ZC2HC1B: variants seen among roughly 807,000 people sequenced by gnomAD.
The protein encoded by ZC2HC1B is zinc finger C2HC-type containing 1B.
In ZC2HC1B, 36 loss-of-function variants were observed where a neutral mutation model predicts 31.0. That is an observed-to-expected ratio of 1.16 (90% CI 0.89 to 1.54). The LOEUF is 1.54. ZC2HC1B is among the 40% of genes most tolerant of loss of function. The probability of loss-of-function intolerance (pLI) is 0.00; values close to 1 mark genes in which losing one functional copy is unlikely to be tolerated. For missense variants in ZC2HC1B, 260 were observed against 268.6 expected (o/e 0.97, Z 0.22); for synonymous variants, 73 against 88.0 (o/e 0.83, Z 0.95).
intron 6 of ZC2HC1B, among the ~76,000 whole-genome samples, chr6:143,904,860 C>T (rs987479582): frequency 6.6e-6 from 1 of 152,204 alleles, no homozygotes; most frequent in Non-Finnish European, 1.5e-5. Context: ...AATGGTCTTG[C>T]ACCCTTGTCA....
rs796775655 is a variant in ZC2HC1B, at chr6:143,868,346, C to G, written c.28+3779C>G. ...AATAGGCCGTCTGCAAGCTGAGGAG[C>G]AAGGACAACCAGTACAGTGCCAAAA... is the stretch of plus-strand genomic sequence containing the variant. On this transcript the variant is annotated intron_variant, in intron 1 of 7. Transcript: ENST00000237275. The surrounding 1 kb of genome is among the most constrained non-coding windows in gnomAD (Gnocchi z 4.2). Among the ~76,000 whole-genome samples the G allele has an allele frequency of 6.6e-6, 1 of 152,210 alleles. No individual in the cohort carries two copies.
chr6:143,879,641 A>T (rs565993453), intron 1 of ZC2HC1B, among the ~76,000 whole-genome samples: 2 of 152,242 alleles, frequency 1.3e-5, no homozygotes, highest in South Asian at 4.1e-4. Flanking sequence ...ATGCTCCTTT[A>T]AGAAAATGTG....
intron 6 of ZC2HC1B, among the ~76,000 whole-genome samples, chr6:143,929,419 C>T (rs1020448427): frequency 2.0e-5 from 3 of 152,188 alleles, no homozygotes; most frequent in African/African-American, 7.2e-5. Context: ...CCTTGCATCC[C>T]TTGCAAAACC....
rs955655608 is a variant in ZC2HC1B at position 143,917,117 on chromosome 6, T to G, written c.598+13965T>G. Among the ~76,000 whole-genome samples the G allele has an allele frequency of 5.9e-5, 9 of 152,196 alleles. No individual in the cohort carries two copies. Among genetic ancestry groups the G allele is most frequent in the African/African-American group, 2.2e-4 (9 of 41,460 alleles). On this transcript the variant is annotated intron_variant, in intron 6 of 7. Transcript: ENST00000237275. This position sits in a 1 kb window ranked among gnomAD's most constrained non-coding sequence, Gnocchi z 4.1. ...ATGGGGGCAAGTCTTTCCTGTGCTATTCTCGTGATAGTGAGTAAGTCTCAT... is the reference window on the plus strand; with the variant it reads ...ATGGGGGCAAGTCTTTCCTGTGCTAGTCTCGTGATAGTGAGTAAGTCTCAT...
rs1424209055 is a variant in ZC2HC1B, at chr6:143,908,098, T to C, written c.598+4946T>C. Among the ~76,000 whole-genome samples the C allele has an allele frequency of 6.6e-6, 1 of 152,134 alleles. No individual in the cohort carries two copies. Among genetic ancestry groups the C allele is most frequent in the Non-Finnish European group, 1.5e-5 (1 of 68,006 alleles). On this transcript the variant is annotated intron_variant, in intron 6 of 7. Transcript: ENST00000237275. The surrounding 1 kb of genome is among the most constrained non-coding windows in gnomAD (Gnocchi z 4.4). ...AGATCAGATGGTTTTAGGTGTGCAA[T>C]CTTATTTCTGGGTTCTCTATTCTGT...
Position 143,922,702 on chromosome 6 carries a change from A to G in ZC2HC1B, c.599-14947A>G, listed in dbSNP as rs1777996200. On this transcript the variant is annotated intron_variant, in intron 6 of 7. Coordinates refer to ENST00000237275, the MANE Select transcript of ZC2HC1B (RefSeq NM_001013623.3). This position sits in a 1 kb window ranked among gnomAD's most constrained non-coding sequence, Gnocchi z 5.0. ...GAATAGTATTCCACTGAGTATATATACCACATTTTCTTTTTTTCAAATTTT... is the reference window on the plus strand; with the variant it reads ...GAATAGTATTCCACTGAGTATATATGCCACATTTTCTTTTTTTCAAATTTT... Among the ~76,000 whole-genome samples the G allele has an allele frequency of 6.6e-6, 1 of 152,112 alleles. No homozygotes were observed. The highest frequency in any genetic ancestry group is 2.4e-5 in the African/African-American group (1 of 41,446).
chr6:143,886,044 C>T lies in ZC2HC1B; in HGVS notation c.103C>T (p.Pro35Ser), dbSNP rs559614528. 1.3e-6 allele frequency: 2 copies of T among 1,534,774 alleles called. No homozygotes were observed. Among genetic ancestry groups the T allele is most frequent in the African/African-American group, 2.8e-5 (2 of 71,966 alleles). ...FAADVLERHG[P>S]ICKKLFNRKR... ...CTTCGTTTTCTAGGAAAGGCATGGA[C>T]CAATATGTAAGAAACTCTTCAACAG... The change falls in exon 3 of 8, where the codon CCA becomes TCA. Residue 35 changes from proline to serine, a missense_variant. Pro to Ser is a moderately conservative substitution (Grantham distance 74). Transcript: ENST00000237275. This position sits in a 1 kb window ranked among gnomAD's most constrained non-coding sequence, Gnocchi z 4.2.
At position 143,883,003 on chromosome 6, in the gene ZC2HC1B, C is replaced by T. The variant is rs1777487744; in HGVS notation, c.29-1301C>T. Among the ~76,000 whole-genome samples, 1 of 152,128 alleles carries T rather than the reference C, an allele frequency of 6.6e-6. No homozygotes were observed. Among genetic ancestry groups the T allele is most frequent in the Admixed American group, 6.6e-5 (1 of 15,260 alleles). ...TCTTTGATACAGAATCACTCATCTC[C>T]TATTTCCTTTCCATTTCAGGCCTCC... On this transcript the variant is annotated intron_variant, in intron 1 of 7. Transcript: ENST00000237275. The surrounding 1 kb of genome is among the most constrained non-coding windows in gnomAD (Gnocchi z 4.1).
chr6:143,867,056 A>G (rs992536058), intron 1 of ZC2HC1B, among the ~76,000 whole-genome samples: 10 of 152,238 alleles, frequency 6.6e-5, no homozygotes, highest in Admixed American at 1.3e-4. Flanking sequence ...CATGCACAAA[A>G]GTATTTAAAA....
chr6:143,933,626 G>A lies in ZC2HC1B; in HGVS notation c.599-4023G>A, dbSNP rs1778147401. Among the ~76,000 whole-genome samples the A allele has an allele frequency of 6.6e-6, 1 of 152,062 alleles. No homozygotes were observed. The highest frequency in any genetic ancestry group is 2.4e-5 in the African/African-American group (1 of 41,374). On this transcript the variant is annotated intron_variant, in intron 6 of 7. Coordinates refer to ENST00000237275, the MANE Select transcript of ZC2HC1B (RefSeq NM_001013623.3). The surrounding 1 kb of genome is among the most constrained non-coding windows in gnomAD (Gnocchi z 6.4). Reference sequence around the variant, plus strand: ...AGTGGGCGAAAGCTGGTAGCAACAGGCCTCACCCAGCTCCCACACAGTTGG... The same window carrying A: ...AGTGGGCGAAAGCTGGTAGCAACAGACCTCACCCAGCTCCCACACAGTTGG...
At chr6:143,930,755 T>C (rs1001754419) in intron 6 of ZC2HC1B, among the ~76,000 whole-genome samples, 1 of 152,232 alleles carries the variant, frequency 6.6e-6, no homozygotes, top group Non-Finnish European at 1.5e-5. Context: ...ATGATTTCAA[T>C]TTCTAAAATG....
intron 4 of ZC2HC1B, among the ~76,000 whole-genome samples, chr6:143,896,054 A>G (rs1397645244): frequency 1.3e-5 from 2 of 152,214 alleles, no homozygotes; most frequent in African/African-American, 4.8e-5. Flanking sequence ...GAAATCAGCA[A>G]CCTTGAATGC....
rs942470563 is a variant in ZC2HC1B at position 143,903,769 on chromosome 6, C to T, written c.598+617C>T. Reference sequence around the variant, plus strand: ...GTAGAATTTGTATATAACCTAGGCACATCCTCCTGTATACACTAAATCATC... The same window carrying T: ...GTAGAATTTGTATATAACCTAGGCATATCCTCCTGTATACACTAAATCATC... On this transcript the variant is annotated intron_variant, in intron 6 of 7. Coordinates refer to ENST00000237275, the MANE Select transcript of ZC2HC1B (RefSeq NM_001013623.3). This position sits in a 1 kb window ranked among gnomAD's most constrained non-coding sequence, Gnocchi z 4.3. Among the ~76,000 whole-genome samples the T allele has an allele frequency of 2.6e-5, 4 of 152,212 alleles. No individual in the cohort carries two copies. The highest frequency in any genetic ancestry group is 9.7e-5 in the African/African-American group (4 of 41,446).
intron 1 of ZC2HC1B, among the ~76,000 whole-genome samples, chr6:143,880,484 T>G (rs1208348008): frequency 6.6e-6 from 1 of 152,230 alleles, no homozygotes; most frequent in African/African-American, 2.4e-5. Flanking sequence ...GCCCTTCCAG[T>G]CTTTATTAGT....
chr6:143,895,249 GC>G lies in ZC2HC1B; in HGVS notation c.350-3301del, dbSNP rs1201957824. 6.6e-6 allele frequency among the ~76,000 whole-genome samples: 1 copy of G among 152,070 alleles called. No individual in the cohort carries two copies. On this transcript the variant is annotated intron_variant, in intron 4 of 7. Transcript: ENST00000237275. The surrounding 1 kb of genome is among the most constrained non-coding windows in gnomAD (Gnocchi z 4.8). Reference sequence around the variant, plus strand: ...AGGACCTCGGGTCACTGCAAACTCCGCCTCCCAGGTTCAAGCAATTCTCCTG... The same window carrying G: ...AGGACCTCGGGTCACTGCAAACTCCGCTCCCAGGTTCAAGCAATTCTCCTG...
chr6:143,904,197 G>GT (rs1392913176), intron 6 of ZC2HC1B, among the ~76,000 whole-genome samples: 1 of 152,086 alleles, frequency 6.6e-6, no homozygotes, highest in Non-Finnish European at 1.5e-5. Context: ...TGTTGTTTTG[G>GT]TTTTTGCTAA....
At chr6:143,888,074 C>T (rs1311350999) in intron 4 of ZC2HC1B, among the ~76,000 whole-genome samples, 3 of 151,936 alleles carry the variant, frequency 2.0e-5, no homozygotes, top group South Asian at 2.1e-4. Flanking sequence ...TATTTTAAGT[C>T]GATTTTTGTG....
rs1315772917 is a variant in ZC2HC1B, at chr6:143,924,152, C to T, written c.599-13497C>T. On this transcript the variant is annotated intron_variant, in intron 6 of 7. Coordinates refer to ENST00000237275, the MANE Select transcript of ZC2HC1B (RefSeq NM_001013623.3). The surrounding 1 kb of genome is among the most constrained non-coding windows in gnomAD (Gnocchi z 5.2). ...AGTGTTTTGAAGTTTTCCTCGTAAG[C>T]GTCTTTCACTTTCTTGGTTTAATTT... is the stretch of plus-strand genomic sequence containing the variant. 6.6e-6 allele frequency among the ~76,000 whole-genome samples: 1 copy of T among 151,718 alleles called. No homozygotes were observed. The highest frequency in any genetic ancestry group is 2.1e-4 in the South Asian group (1 of 4,816).
rs778212041 is a variant in ZC2HC1B at position 143,917,508 on chromosome 6, T to C, written c.598+14356T>C. On this transcript the variant is annotated intron_variant, in intron 6 of 7. Transcript: ENST00000237275. This position sits in a 1 kb window ranked among gnomAD's most constrained non-coding sequence, Gnocchi z 4.1. ...ATTCTCATTTGAATTTATTCCAGCT[T>C]ATCTTCATAACATACAATAACTGCT... Among the ~76,000 whole-genome samples the C allele has an allele frequency of 1.1e-4, 16 of 152,258 alleles. No homozygotes were observed. The highest frequency in any genetic ancestry group is 2.6e-4 in the Admixed American group (4 of 15,276).
Sources: allele counts gnomAD v4.1 joint callset (sites outside exome capture counted in the v4.1 genomes callset), GRCh38; gene constraint gnomAD v4.1.1; non-coding constraint Gnocchi (gnomAD v3.1); transcripts MANE v1.5; gene names NCBI Gene and HGNC (gene_info 2026-07-23, HGNC 2026-07-21).